WWOX: variants seen among roughly 807,000 people sequenced by gnomAD.
The protein encoded by WWOX is WW domain containing oxidoreductase.
In WWOX, 69 loss-of-function variants were observed where a neutral mutation model predicts 46.2. The observed-to-expected ratio is 1.49, with a 90% CI of 1.23 to 1.82. The LOEUF (loss-of-function observed/expected upper bound fraction) is 1.82, where lower values mean the gene tolerates loss of function less well. Among genes scored for constraint, WWOX ranks in the 40% most tolerant of loss-of-function variants. The pLI is 0.00. For missense variants in WWOX, 919 were observed against 542.6 expected (o/e 1.69, Z -6.89); for synonymous variants, 359 against 202.6 (o/e 1.77, Z -6.56).
At chr16:78,210,347 C>G (rs1333833744) in intron 5 of WWOX, among the ~76,000 whole-genome samples, 1 of 152,162 alleles carries the variant, frequency 6.6e-6, no homozygotes, top group Non-Finnish European at 1.5e-5. Flanking sequence ...TTTTAATGCC[C>G]TGCATCATGA....
chr16:78,332,275 C>G (rs1383110772), intron 5 of WWOX, among the ~76,000 whole-genome samples: 1 of 152,188 alleles, frequency 6.6e-6, no homozygotes, highest in Non-Finnish European at 1.5e-5. Flanking sequence ...TTTAGAATCT[C>G]TGCTTCCGCA....
chr16:78,353,691 G>A (rs1333436908), intron 5 of WWOX, among the ~76,000 whole-genome samples: 1 of 152,232 alleles, frequency 6.6e-6, no homozygotes, highest in East Asian at 1.9e-4. Context: ...CTGAAGAACT[G>A]CAGTCTGTGG....
intron 6 of WWOX, among the ~76,000 whole-genome samples, chr16:78,409,004 C>T (rs190360952): frequency 7.1e-4 from 108 of 152,236 alleles, no homozygotes; most frequent in African/African-American, 2.4e-3. Context: ...AGCATCTTAC[C>T]TACCTCTGAT....
chr16:79,175,652 C>CACAT (rs1567599110), intron 8 of WWOX, among the ~76,000 whole-genome samples: 1 of 152,186 alleles, frequency 6.6e-6, no homozygotes, highest in African/African-American at 2.4e-5. Context: ...TGAGGACGTG[C>CACAT]TCTGATTCTG....
intron 8 of WWOX, among the ~76,000 whole-genome samples, chr16:78,801,640 C>T (rs927254516): frequency 1.3e-5 from 2 of 152,186 alleles, no homozygotes; most frequent in Admixed American, 1.3e-4. Flanking sequence ...CTCTCCTTAA[C>T]TTTGTTTCTG....
intron 5 of WWOX, among the ~76,000 whole-genome samples, chr16:78,282,400 T>C (rs1190508350): frequency 1.3e-5 from 2 of 152,162 alleles, no homozygotes; most frequent in African/African-American, 2.4e-5. Flanking sequence ...CTCTTACTAG[T>C]GGTCAGCAAA....
rs35803353 is a variant in WWOX, at chr16:78,593,207, AT to A, written c.1056+160465del. 9.3e-5 allele frequency among the ~76,000 whole-genome samples: 14 copies of A among 150,234 alleles called. No homozygotes were observed. In the South Asian group the frequency reaches 1.5e-3, roughly 16 times the overall value. On this transcript the variant is annotated intron_variant, in intron 8 of 8. Coordinates refer to ENST00000566780, the MANE Select transcript of WWOX (RefSeq NM_016373.4). ...TTCTTTTGAGGATCACTTGATCCTG[AT>A]TTTTTTTTTATGTGTATAGATGGGA...
At chr16:78,589,442 C>G (rs905370420) in intron 8 of WWOX, among the ~76,000 whole-genome samples, 2 of 152,156 alleles carry the variant, frequency 1.3e-5, no homozygotes, top group African/African-American at 4.8e-5. Context: ...TGCCTTCTTT[C>G]ACTAGCTTTA....
intron 5 of WWOX, among the ~76,000 whole-genome samples, chr16:78,222,325 G>T (rs932808610): frequency 1.3e-4 from 19 of 143,686 alleles, no homozygotes; most frequent in African/African-American, 5.0e-4. Flanking sequence ...TGAGAGTTTG[G>T]CTGTGACACG....
chr16:78,437,349 C>A (rs1485757308), intron 8 of WWOX, among the ~76,000 whole-genome samples: 1 of 152,136 alleles, frequency 6.6e-6, no homozygotes. Context: ...AGTAATTTTA[C>A]AATTGGATGT....
At chr16:78,529,001 C>A (rs72803909) in intron 8 of WWOX, among the ~76,000 whole-genome samples, 1 of 149,152 alleles carries the variant, frequency 6.7e-6, no homozygotes, top group African/African-American at 2.5e-5. Context: ...TTGCCCAGGC[C>A]GGAGTACAGT....
intron 8 of WWOX, among the ~76,000 whole-genome samples, chr16:78,942,265 C>G (rs988164023): frequency 6.6e-6 from 1 of 152,060 alleles, no homozygotes; most frequent in Non-Finnish European, 1.5e-5. Flanking sequence ...TCTAGTTGTT[C>G]CTCGTGCTGC....
At chr16:78,734,779 T>C (rs2049045711) in intron 8 of WWOX, among the ~76,000 whole-genome samples, 1 of 139,844 alleles carries the variant, frequency 7.2e-6, no homozygotes, top group Admixed American at 7.9e-5. Context: ...ATAGAGCAAA[T>C]AGACTGACCC....
At chr16:79,126,426 C>A (rs931575715) in intron 8 of WWOX, among the ~76,000 whole-genome samples, 1 of 152,142 alleles carries the variant, frequency 6.6e-6, no homozygotes, top group Non-Finnish European at 1.5e-5. Flanking sequence ...TTTCCCCATG[C>A]TGTTCTCATG....
chr16:78,141,263 G>A (rs1261120100), intron 4 of WWOX, among the ~76,000 whole-genome samples: 1 of 152,148 alleles, frequency 6.6e-6, no homozygotes, highest in Non-Finnish European at 1.5e-5. Context: ...CATTTCCACT[G>A]CGGAGATGGT....
chr16:78,111,563 G>A (rs896456292), intron 3 of WWOX, among the ~76,000 whole-genome samples: 1 of 152,158 alleles, frequency 6.6e-6, no homozygotes, highest in African/African-American at 2.4e-5. Context: ...AGCAGACCGC[G>A]AAAGGGAGTC....
intron 8 of WWOX, among the ~76,000 whole-genome samples, chr16:78,634,837 A>AGAGAGAGTGTGT (rs1346762709): frequency 7.2e-5 from 8 of 111,718 alleles, no homozygotes; most frequent in Admixed American, 1.7e-4. Flanking sequence ...AGAGAGAGAG[A>AGAGAGAGTGTGT]GTGTGTGTGT....
intron 5 of WWOX, among the ~76,000 whole-genome samples, chr16:78,299,755 C>CT (rs1337694626): frequency 6.6e-6 from 1 of 152,098 alleles, no homozygotes; most frequent in Non-Finnish European, 1.5e-5. Context: ...TCTCGAACTC[C>CT]TGGGCTCAAG....
At chr16:78,824,575 C>G (rs186242610) in intron 8 of WWOX, among the ~76,000 whole-genome samples, 8 of 152,198 alleles carry the variant, frequency 5.3e-5, no homozygotes, top group Non-Finnish European at 7.4e-5. Context: ...ACTTACAGTT[C>G]CGCACGGCTG....
Sources: allele counts gnomAD v4.1 joint callset (sites outside exome capture counted in the v4.1 genomes callset), GRCh38; gene constraint gnomAD v4.1.1; transcripts MANE v1.5; gene names NCBI Gene and HGNC (gene_info 2026-07-23, HGNC 2026-07-21).